Variants in DLG2 observed in about 807,000 individuals in gnomAD.
DLG2 encodes discs large MAGUK scaffold protein 2.
Under a neutral mutation model 132.5 loss-of-function variants are expected in DLG2, and 45 were observed. That is an observed-to-expected ratio of 0.34 (90% CI 0.27 to 0.44). The LOEUF (loss-of-function observed/expected upper bound fraction) is 0.44. DLG2 is among the 20% of genes least tolerant of loss of function. DLG2 has a pLI of 1.00. For missense variants in DLG2, 1,045 were observed against 1,196.9 expected (o/e 0.87, Z 1.87); for synonymous variants, 424 against 419.6 (o/e 1.01, Z -0.13).
In DLG2 at chr11:83,753,707, C is replaced by T. The variant is rs1483762844; in HGVS notation, c.1825+32983G>A. Among the ~76,000 whole-genome samples, 11 of 133,886 alleles carry T rather than the reference C, an allele frequency of 8.2e-5. 1 individual carries two copies. Among genetic ancestry groups the T allele is most frequent in the African/African-American group, 3.4e-4 (11 of 32,762 alleles). 87.8% of individuals were successfully genotyped at this position (133,886 alleles called of 152,430 possible). ...TATCAATTTAAAATATATATAGTGT[C>T]TATTTCATATATAGACACTATATAT... is the stretch of plus-strand genomic sequence containing the variant. On this transcript the variant is annotated intron_variant, in intron 18 of 27. Transcript: ENST00000376104.
At chr11:83,978,061 T>C (rs2092434744) in intron 12 of DLG2, among the ~76,000 whole-genome samples, 1 of 152,082 alleles carries the variant, frequency 6.6e-6, no homozygotes, top group Admixed American at 6.6e-5. Context: ...ATTCAATCTC[T>C]ATTTTGTCCT....
chr11:83,936,536 A>G (rs1184708134), intron 14 of DLG2, among the ~76,000 whole-genome samples: 6 of 152,252 alleles, frequency 3.9e-5, no homozygotes, highest in South Asian at 4.1e-4. Context: ...ACTATTTAAA[A>G]GTAGAAATTA....
chr11:84,735,732 G>A (rs1339823479), intron 6 of DLG2, among the ~76,000 whole-genome samples: 1 of 151,902 alleles, frequency 6.6e-6, no homozygotes. Flanking sequence ...TGATGTTAGG[G>A]TGTCAATTTG....
chr11:84,602,947 A>G (rs1329836120), intron 6 of DLG2, among the ~76,000 whole-genome samples: 1 of 152,070 alleles, frequency 6.6e-6, no homozygotes, highest in Non-Finnish European at 1.5e-5. Context: ...CATGAATTAG[A>G]TAATGTTCTT....
At chr11:83,767,789 G>A (rs965414493) in intron 18 of DLG2, among the ~76,000 whole-genome samples, 13 of 151,776 alleles carry the variant, frequency 8.6e-5, no homozygotes, top group South Asian at 4.2e-4. Flanking sequence ...AATACCTCCC[G>A]GATACTTTCT....
intron 3 of DLG2, among the ~76,000 whole-genome samples, chr11:85,322,907 G>A (rs1048226598): frequency 6.6e-6 from 1 of 152,142 alleles, no homozygotes; most frequent in Non-Finnish European, 1.5e-5. Context: ...AAGAGCCTAT[G>A]ATTCCTGTTT....
At chr11:83,850,137 T>TGTGTGTGC (rs2059414798) in intron 16 of DLG2, among the ~76,000 whole-genome samples, 1 of 129,260 alleles carries the variant, frequency 7.7e-6, no homozygotes, top group South Asian at 2.5e-4. Context: ...TGTGTGTGTG[T>TGTGTGTGC]GTGTGTGTGT....
chr11:83,482,175 C>A (rs182461150), intron 22 of DLG2, among the ~76,000 whole-genome samples: 34 of 152,044 alleles, frequency 2.2e-4, no homozygotes, highest in Middle Eastern at 3.4e-3. Context: ...ATATAAATAT[C>A]TTTTAAAAAC....
intron 3 of DLG2, among the ~76,000 whole-genome samples, chr11:85,515,211 G>C (rs1284179524): frequency 1.3e-5 from 2 of 151,938 alleles, no homozygotes; most frequent in South Asian, 2.1e-4. Flanking sequence ...GAATTGTTCA[G>C]TGTACGCCTA....
chr11:84,743,065 T>C (rs185586176), intron 6 of DLG2, among the ~76,000 whole-genome samples: 12 of 152,292 alleles, frequency 7.9e-5, no homozygotes, highest in African/African-American at 2.9e-4. Context: ...TTTTTAAACG[T>C]TTTACTTTGA....
chr11:84,937,731 T>A (rs1287950710), intron 6 of DLG2, among the ~76,000 whole-genome samples: 1 of 152,176 alleles, frequency 6.6e-6, no homozygotes, highest in East Asian at 1.9e-4. Flanking sequence ...AATACAGGAA[T>A]TTTGTTTAAT....
intron 6 of DLG2, among the ~76,000 whole-genome samples, chr11:84,937,927 G>C (rs534315517): frequency 1.3e-5 from 2 of 152,076 alleles, no homozygotes; most frequent in Non-Finnish European, 2.9e-5. Flanking sequence ...GAGGGGACTT[G>C]GAGAGCATCT....
intron 3 of DLG2, among the ~76,000 whole-genome samples, chr11:85,427,157 A>G (rs2090816906): frequency 6.6e-6 from 1 of 152,248 alleles, no homozygotes; most frequent in Admixed American, 6.5e-5. Flanking sequence ...CGATTGGTGT[A>G]CCTGAAAGTG....
chr11:83,700,153 T>A (rs1196746974), intron 18 of DLG2, among the ~76,000 whole-genome samples: 1 of 152,150 alleles, frequency 6.6e-6, no homozygotes, highest in African/African-American at 2.4e-5. Context: ...ACATACCTTA[T>A]AAGGTTGTTT....
At chr11:84,691,813 A>T in intron 6 of DLG2, among the ~76,000 whole-genome samples, 1 of 151,888 alleles carries the variant, frequency 6.6e-6, no homozygotes, top group African/African-American at 2.4e-5. Flanking sequence ...TACCATTTTT[A>T]AAAATGCAAT....
chr11:83,505,828 T>A (rs1329981101), intron 21 of DLG2, among the ~76,000 whole-genome samples: 1 of 152,190 alleles, frequency 6.6e-6, no homozygotes, highest in Admixed American at 6.5e-5. Flanking sequence ...AGCTGTCCAC[T>A]TTTGGGTGGT....
intron 6 of DLG2, among the ~76,000 whole-genome samples, chr11:85,079,024 G>C (rs926015511): frequency 5.4e-4 from 31 of 57,188 alleles, no homozygotes; most frequent in Middle Eastern, 9.4e-3. Context: ...TGTGTTTTAG[G>C]GGGGGGGTCT....
At chr11:85,191,224 T>C (rs756153356) in intron 4 of DLG2, among the ~76,000 whole-genome samples, 5 of 141,056 alleles carry the variant, frequency 3.5e-5, no homozygotes, top group Non-Finnish European at 6.1e-5. Flanking sequence ...ATATTCCCAA[T>C]GAAGAACAAC....
intron 6 of DLG2, among the ~76,000 whole-genome samples, chr11:84,801,328 T>C (rs1213508069): frequency 6.6e-6 from 1 of 152,098 alleles, no homozygotes; most frequent in Non-Finnish European, 1.5e-5. Flanking sequence ...TCCTAGCACT[T>C]TGAGGCCGAG....
Sources: gnomAD v4.1 joint callset for allele counts (sites outside exome capture counted in the v4.1 genomes callset) on GRCh38, gnomAD v4.1.1 for gene constraint, MANE v1.5 for transcripts, NCBI Gene and HGNC (gene_info 2026-07-23, HGNC 2026-07-21) for gene names.